CDKAL1: variants seen among roughly 807,000 people sequenced by gnomAD.
CDKAL1 encodes CDKAL1 threonylcarbamoyladenosine tRNA methylthiotransferase, also known as threonylcarbamoyladenosine tRNA methylthiotransferase.
A neutral mutation model predicts 68.2 loss-of-function variants in CDKAL1; 32 were observed. The observed-to-expected ratio is 0.47, with a 90% confidence interval of 0.35 to 0.63. CDKAL1 has a LOEUF of 0.63. Ranked by LOEUF, CDKAL1 falls within the 30% of genes least tolerant of loss-of-function variation. The pLI, the probability that CDKAL1 is intolerant of heterozygous loss-of-function variation, is 0.00. For missense variants in CDKAL1, 606 were observed against 696.7 expected (o/e 0.87, Z 1.47); for synonymous variants, 234 against 244.3 (o/e 0.96, Z 0.39).
chr6:21,126,151 T>G (rs1430395494), intron 13 of CDKAL1, among the ~76,000 whole-genome samples: 1 of 152,244 alleles, frequency 6.6e-6, no homozygotes, highest in Admixed American at 6.5e-5. Context: ...CAGCAGTGTT[T>G]CCACAGTATT....
chr6:20,979,683 T>C (rs1766012845), intron 10 of CDKAL1, among the ~76,000 whole-genome samples: 1 of 152,066 alleles, frequency 6.6e-6, no homozygotes, highest in South Asian at 2.1e-4. Context: ...CTGCATTTCT[T>C]GCTGAGTGGT....
intron 13 of CDKAL1, among the ~76,000 whole-genome samples, chr6:21,134,952 A>C (rs1478067144): frequency 7.0e-6 from 1 of 142,976 alleles, no homozygotes; most frequent in African/African-American, 2.6e-5. Flanking sequence ...AATTTCTTCT[A>C]TTAAGTGATT....
intron 8 of CDKAL1, among the ~76,000 whole-genome samples, chr6:20,845,682 T>C (rs554697825): frequency 5.9e-5 from 9 of 152,290 alleles, no homozygotes; most frequent in African/African-American, 2.2e-4. Flanking sequence ...CTGAATACTA[T>C]AGTGTGTATA....
intron 11 of CDKAL1, among the ~76,000 whole-genome samples, chr6:21,028,488 T>C (rs1769085346): frequency 6.6e-6 from 1 of 152,214 alleles, no homozygotes; most frequent in Admixed American, 6.5e-5. Flanking sequence ...GGTTTGCAGA[T>C]GGCTGCCTTC....
chr6:21,198,424 C>G lies in CDKAL1; in HGVS notation c.1383+320C>G, dbSNP rs184827413. ...ACCCTGGCAAAGCAGGGGGGAAAGT[C>G]CTGCTCAGACCACAGGAAGGATGTC... On this transcript the variant is annotated intron_variant, in intron 14 of 15. Coordinates refer to ENST00000274695, the MANE Select transcript of CDKAL1 (RefSeq NM_017774.3). 2.0e-5 allele frequency among the ~76,000 whole-genome samples: 3 copies of G among 152,244 alleles called. No homozygotes were observed. In the East Asian group the frequency reaches 5.8e-4, roughly 29 times the overall value.
intron 4 of CDKAL1, among the ~76,000 whole-genome samples, chr6:20,582,924 A>G (rs886382496): frequency 6.6e-6 from 1 of 152,168 alleles, no homozygotes; most frequent in Non-Finnish European, 1.5e-5. Context: ...CCTGTTACTT[A>G]GGGTAATGTC....
chr6:21,164,735 C>T (rs1486181801), intron 13 of CDKAL1, among the ~76,000 whole-genome samples: 5 of 152,108 alleles, frequency 3.3e-5, no homozygotes, highest in Non-Finnish European at 5.9e-5. Context: ...ACAGGCTTCC[C>T]GCCTTTATAA....
At chr6:21,207,954 A>T (rs150203817) in intron 15 of CDKAL1, among the ~76,000 whole-genome samples, 4 of 152,192 alleles carry the variant, frequency 2.6e-5, no homozygotes, top group Admixed American at 2.6e-4. Flanking sequence ...GGAGATTCCA[A>T]TAATACTACT....
At chr6:21,119,303 A>G (rs1157571116) in intron 13 of CDKAL1, among the ~76,000 whole-genome samples, 1 of 152,232 alleles carries the variant, frequency 6.6e-6, no homozygotes, top group Admixed American at 6.5e-5. Context: ...GTGCTCAATA[A>G]ATGACTATGA....
chr6:21,060,678 A>G (rs1053011355), intron 11 of CDKAL1, among the ~76,000 whole-genome samples: 4 of 152,152 alleles, frequency 2.6e-5, no homozygotes, highest in Non-Finnish European at 4.4e-5. Flanking sequence ...CTTTAGTTGC[A>G]TATCATATAT....
intron 9 of CDKAL1, among the ~76,000 whole-genome samples, chr6:20,856,966 T>C (rs1463991448): frequency 6.6e-6 from 1 of 152,216 alleles, no homozygotes; most frequent in Non-Finnish European, 1.5e-5. Flanking sequence ...TGAAAAATTA[T>C]TAAATTTCTT....
At chr6:21,069,477 ACCT>A (rs1771636588) in intron 12 of CDKAL1, among the ~76,000 whole-genome samples, 1 of 152,142 alleles carries the variant, frequency 6.6e-6, no homozygotes, top group African/African-American at 2.4e-5. Flanking sequence ...TATTAAATTA[ACCT>A]TGCATTCCTG....
At chr6:21,138,747 GA>G (rs1054072621) in intron 13 of CDKAL1, among the ~76,000 whole-genome samples, 11 of 150,252 alleles carry the variant, frequency 7.3e-5, no homozygotes, top group Non-Finnish European at 1.0e-4. Context: ...AATGGCAATT[GA>G]AAAAAAAATA....
At chr6:20,753,089 T>C (rs933771775) in intron 6 of CDKAL1, among the ~76,000 whole-genome samples, 2 of 152,234 alleles carry the variant, frequency 1.3e-5, no homozygotes, top group Admixed American at 6.5e-5. Context: ...ATTCATAGAA[T>C]TGTATGACCA....
intron 12 of CDKAL1, among the ~76,000 whole-genome samples, chr6:21,072,357 T>C (rs1307963216): frequency 6.6e-6 from 1 of 152,184 alleles, no homozygotes. Flanking sequence ...TTTTTCATGT[T>C]TAAATAGTAC....
At chr6:20,570,724 G>A (rs1480090809) in intron 4 of CDKAL1, among the ~76,000 whole-genome samples, 1 of 152,138 alleles carries the variant, frequency 6.6e-6, no homozygotes, top group African/African-American at 2.4e-5. Flanking sequence ...TCTGCTGCAA[G>A]TTAAAAGAAA....
At chr6:20,853,606 T>C (rs1268278500) in intron 9 of CDKAL1, among the ~76,000 whole-genome samples, 2 of 152,216 alleles carry the variant, frequency 1.3e-5, no homozygotes, top group African/African-American at 4.8e-5. Context: ...AGATTAATGT[T>C]CTCAATCTGG....
chr6:20,735,085 G>A (rs762636242), intron 5 of CDKAL1, among the ~76,000 whole-genome samples: 1 of 150,826 alleles, frequency 6.6e-6, no homozygotes, highest in Non-Finnish European at 1.5e-5. Context: ...GGCCAGACTG[G>A]TCTCGAACTC....
chr6:20,764,648 T>A (rs1774614859), intron 7 of CDKAL1, among the ~76,000 whole-genome samples: 1 of 152,188 alleles, frequency 6.6e-6, no homozygotes, highest in Non-Finnish European at 1.5e-5. Context: ...TGTGAGTGAC[T>A]GAATAACCAC....
Sources: allele counts gnomAD v4.1 joint callset (sites outside exome capture counted in the v4.1 genomes callset), GRCh38; gene constraint gnomAD v4.1.1; transcripts MANE v1.5; gene names NCBI Gene and HGNC (gene_info 2026-07-23, HGNC 2026-07-21).